Variants in TMEM266 observed in about 807,000 individuals in gnomAD.
The protein encoded by TMEM266 is Hv1 related protein 1.
A neutral mutation model predicts 50.5 loss-of-function variants in TMEM266; 33 were observed. The observed-to-expected ratio is 0.65, with a 90% CI of 0.50 to 0.87. The LOEUF is 0.87. Among genes scored for constraint, TMEM266 ranks in the 40% least tolerant of loss-of-function variants. TMEM266 has a pLI of 0.00. For synonymous variants in TMEM266, 310 were observed against 292.3 expected, an observed-to-expected ratio of 1.06 and a Z score of -0.62; for missense variants, 655 against 695.1, an observed-to-expected ratio of 0.94 and a Z score of 0.65.
Position 76,175,690 on chromosome 15 carries a change from T to G in TMEM266, c.768+16T>G. ...GGAGCAAGGGGTAATGCACTGCCAC[T>G]TTCGGCTCTGTCCGTGGTCTTGCTG... On this transcript the variant is annotated intron_variant, in intron 8 of 10. Coordinates refer to ENST00000388942, the MANE Select transcript of TMEM266 (RefSeq NM_152335.3). The G allele has an allele frequency of 6.2e-7, 1 of 1,604,878 alleles. No homozygotes were observed. The highest frequency in any genetic ancestry group is 1.3e-5 in the African/African-American group (1 of 74,872).
At chr15:76,156,935 G>A (rs1254684260) in intron 4 of TMEM266, among the ~76,000 whole-genome samples, 177 bp downstream of exon 4, 2 of 152,158 alleles carry the variant, frequency 1.3e-5, no homozygotes, top group Non-Finnish European at 2.9e-5. Flanking sequence ...ACATCTGGCA[G>A]CTTCTCTCTC....
At chr15:76,133,941 G>A (rs947910100) in intron 1 of TMEM266, among the ~76,000 whole-genome samples, 2 of 152,098 alleles carry the variant, frequency 1.3e-5, no homozygotes, top group African/African-American at 4.8e-5. Context: ...TACCATCTCT[G>A]TGACACAAAA....
intron 1 of TMEM266, among the ~76,000 whole-genome samples, chr15:76,131,869 G>C (rs1300782439): frequency 6.6e-6 from 1 of 152,144 alleles, no homozygotes; most frequent in Non-Finnish European, 1.5e-5. Context: ...AGAGCTCTCT[G>C]TCTCTGTTAA....
intron 1 of TMEM266, among the ~76,000 whole-genome samples, chr15:76,129,761 A>G (rs1479847399): frequency 2.0e-5 from 3 of 152,194 alleles, no homozygotes; most frequent in Non-Finnish European, 2.9e-5. Context: ...AATTAATTGC[A>G]AGGTGAAAAA....
chr15:76,076,129 A>T (rs1416595962), intron 1 of TMEM266, among the ~76,000 whole-genome samples: 5 of 151,826 alleles, frequency 3.3e-5, no homozygotes, highest in Non-Finnish European at 5.9e-5. Flanking sequence ...AAGTGTTGGG[A>T]TTACAGGCAT....
intron 9 of TMEM266, among the ~76,000 whole-genome samples, chr15:76,201,450 G>A (rs973100614): frequency 6.6e-6 from 1 of 152,088 alleles, no homozygotes; most frequent in African/African-American, 2.4e-5. Context: ...GGAGTGCAGT[G>A]GTGTGATCAC....
intron 8 of TMEM266, among the ~76,000 whole-genome samples, chr15:76,180,260 G>C (rs1275035087): frequency 6.6e-6 from 1 of 152,088 alleles, no homozygotes; most frequent in African/African-American, 2.4e-5. Context: ...TATGTCCTCT[G>C]TTTGCTCCAC....
intron 9 of TMEM266, among the ~76,000 whole-genome samples, chr15:76,197,855 C>G (rs1596172523): frequency 1.3e-5 from 2 of 152,366 alleles, no homozygotes; most frequent in East Asian, 3.9e-4. Flanking sequence ...ACTCACCACC[C>G]TTTCTCTCCA....
intron 9 of TMEM266, among the ~76,000 whole-genome samples, chr15:76,199,025 T>C (rs1382593545): frequency 2.5e-5 from 3 of 118,318 alleles, no homozygotes; most frequent in African/African-American, 8.3e-5. Flanking sequence ...CGGGAGCAAG[T>C]AATCTAATTC....
Position 76,204,192 on chromosome 15 carries a change from G to C in TMEM266, c.1473G>C (p.Glu491Asp). 6.2e-7 allele frequency: 1 copy of C among 1,613,932 alleles called. No homozygotes were observed. The highest frequency in any genetic ancestry group is 8.5e-7 in the Non-Finnish European group (1 of 1,180,028). ...GTCTGTTCAACCAGAAGAACCAGGA[G>C]GGCTTCACTGTCTTTCAGATCAGGC... Residue 491 changes from glutamate (E) to aspartate (D), a missense_variant, in exon 11 of 11, where the codon GAG becomes GAC. Glu to Asp is a conservative substitution (Grantham distance 45). This residue lies in a region of TMEM266 where 455 missense variants were observed against 401.8 expected (regional missense o/e 1.13). Coordinates refer to ENST00000388942, the MANE Select transcript of TMEM266 (RefSeq NM_152335.3).
At chr15:76,073,973 G>A (rs2036572269) in intron 1 of TMEM266, among the ~76,000 whole-genome samples, 1 of 152,096 alleles carries the variant, frequency 6.6e-6, no homozygotes, top group South Asian at 2.1e-4. Flanking sequence ...TGTGACACAT[G>A]TTTTATTTTC....
chr15:76,081,938 C>T (rs1374045959), intron 1 of TMEM266, among the ~76,000 whole-genome samples: 1 of 152,172 alleles, frequency 6.6e-6, no homozygotes, highest in Non-Finnish European at 1.5e-5. Context: ...TCCCTGTTTT[C>T]CCACCCTTTT....
chr15:76,067,160 T>C (rs1353959489), intron 1 of TMEM266, among the ~76,000 whole-genome samples: 1 of 152,140 alleles, frequency 6.6e-6, no homozygotes, highest in Non-Finnish European at 1.5e-5. Flanking sequence ...AGATGAAGAT[T>C]GGGTTATAAT....
At chr15:76,068,527 T>C (rs1315777145) in intron 1 of TMEM266, among the ~76,000 whole-genome samples, 1 of 152,216 alleles carries the variant, frequency 6.6e-6, no homozygotes, top group Admixed American at 6.5e-5. Flanking sequence ...ATGTGACTTA[T>C]CAGGAGATAG....
chr15:76,151,633 C>G (rs934791766), intron 3 of TMEM266, among the ~76,000 whole-genome samples: 1 of 152,144 alleles, frequency 6.6e-6, no homozygotes, highest in Non-Finnish European at 1.5e-5. Flanking sequence ...GCTGCTTGAC[C>G]CTGGCTTGCC....
intron 1 of TMEM266, among the ~76,000 whole-genome samples, chr15:76,120,758 C>CAA (rs60694791): frequency 0.014 from 777 of 56,418 alleles, 16 homozygotes; most frequent in African/African-American, 0.04. Flanking sequence ...AAGACTGTCT[C>CAA]AAAAAAAAAA....
intron 5 of TMEM266, among the ~76,000 whole-genome samples, chr15:76,162,624 G>A (rs973943443): frequency 5.9e-5 from 9 of 152,186 alleles, no homozygotes; most frequent in Non-Finnish European, 7.3e-5. Context: ...AGGGTTATGC[G>A]GCCAGTTAAG....
At chr15:76,064,808 T>G (rs1385599753) in intron 1 of TMEM266, among the ~76,000 whole-genome samples, 2 of 152,240 alleles carry the variant, frequency 1.3e-5, no homozygotes, top group Non-Finnish European at 1.5e-5. Flanking sequence ...CAGGCAGCTG[T>G]TCTCTAGATT....
chr15:76,197,487 G>A (rs2038672610), intron 9 of TMEM266, among the ~76,000 whole-genome samples: 3 of 152,166 alleles, frequency 2.0e-5, no homozygotes, highest in Admixed American at 2.0e-4. Context: ...TTAAAACAAG[G>A]GACCTAGAAA....
Sources: gnomAD v4.1 joint callset for allele counts (sites outside exome capture counted in the v4.1 genomes callset) on GRCh38, gnomAD v4.1.1 for gene constraint, gnomAD v4.1.1 regional missense constraint, MANE v1.5 for transcripts, NCBI Gene and HGNC (gene_info 2026-07-23, HGNC 2026-07-21) for gene names.